The following GDAP2 variants were observed in gnomAD, a reference collection of about 807,000 sequenced individuals.
GDAP2 encodes the protein ganglioside induced differentiation associated protein 2.
A neutral mutation model predicts 67.0 loss-of-function variants in GDAP2; 51 were observed. That is an observed-to-expected ratio of 0.76 (90% CI 0.61 to 0.96). GDAP2 has a LOEUF of 0.96. GDAP2 is among the 40% of genes least tolerant of loss of function. GDAP2 has a pLI of 0.00. For missense variants in GDAP2, 547 were observed against 588.3 expected, an observed-to-expected ratio of 0.93 and a Z score of 0.73; for synonymous variants, 203 against 207.3, an observed-to-expected ratio of 0.98 and a Z score of 0.18.
intron 13 of GDAP2, chr1:117,877,418 C>T (rs1204207015): frequency 3.1e-6 from 3 of 975,874 alleles, no homozygotes; most frequent in Non-Finnish European, 1.2e-6. Flanking sequence ...TCAAAAATTA[C>T]TAAGGTGATA....
At chr1:117,918,929 T>C (rs1650144273) in intron 2 of GDAP2, among the ~76,000 whole-genome samples, 193 bp from the exon 3 acceptor site, 2 of 152,180 alleles carry the variant, frequency 1.3e-5, no homozygotes, top group Admixed American at 1.3e-4. Flanking sequence ...AATGCAATTG[T>C]TATAACCCTG....
intron 5 of GDAP2, 54 bp from the exon 6 acceptor site, chr1:117,906,636 A>G: frequency 1.1e-6 from 1 of 901,702 alleles, no homozygotes; most frequent in Non-Finnish European, 1.8e-6. Context: ...CTTATACATA[A>G]AGAAAAATCA....
intron 13 of GDAP2, among the ~76,000 whole-genome samples, chr1:117,871,482 A>G (rs1648286668): frequency 6.6e-6 from 1 of 152,250 alleles, no homozygotes; most frequent in Non-Finnish European, 1.5e-5. Context: ...TAGCACTAGT[A>G]TAAGACAATA....
At chr1:117,877,419 T>C in intron 13 of GDAP2, 1 of 977,826 alleles carries the variant, frequency 1.0e-6, no homozygotes, top group Non-Finnish European at 1.2e-6. Context: ...CAAAAATTAC[T>C]AAGGTGATAT....
intron 11 of GDAP2, among the ~76,000 whole-genome samples, chr1:117,882,500 C>A (rs552140766): frequency 1.3e-5 from 2 of 152,272 alleles, no homozygotes; most frequent in South Asian, 4.1e-4. Flanking sequence ...ATCCACTATT[C>A]CATCTGGCCT....
intron 8 of GDAP2, among the ~76,000 whole-genome samples, chr1:117,889,076 A>G (rs1228059264): frequency 6.6e-6 from 1 of 152,156 alleles, no homozygotes; most frequent in Non-Finnish European, 1.5e-5. Context: ...ATTTTGTTTC[A>G]AAATATAATT....
chr1:117,928,070 A>C (rs1251783938), intron 1 of GDAP2, among the ~76,000 whole-genome samples: 3 of 152,180 alleles, frequency 2.0e-5, no homozygotes, highest in Non-Finnish European at 4.4e-5. Context: ...ATTTAATAAT[A>C]TTAAGATAGT....
chr1:117,883,523 G>T lies in GDAP2; in HGVS notation c.1212C>A (p.Asp404Glu). Residue 404 changes from aspartate to glutamate, a missense_variant, in exon 11 of 14, where the codon GAC becomes GAA. Physicochemically the swap from Asp to Glu is conservative, Grantham distance 45. Coordinates refer to ENST00000369443, the MANE Select transcript of GDAP2 (RefSeq NM_017686.4). ...CAACATCGTAGAGTTTCTTCAGGAA[G>T]TCGGAGTCCAGGTGATTGTATTCGC... ...LTSEYNHLDS[D>E]FLKKLYDVVD... 1 of 1,612,660 alleles carries T rather than the reference G, an allele frequency of 6.2e-7. No homozygotes were observed. The highest frequency in any genetic ancestry group is 8.5e-7 in the Non-Finnish European group (1 of 1,178,954).
At chr1:117,898,123 T>A (rs1649325110) in intron 7 of GDAP2, among the ~76,000 whole-genome samples, 1 of 152,184 alleles carries the variant, frequency 6.6e-6, no homozygotes, top group Non-Finnish European at 1.5e-5. Context: ...TTATCTACTG[T>A]CCAGCACTCA....
chr1:117,878,094 T>C lies in GDAP2; in HGVS notation c.1361A>G (p.His454Arg), dbSNP rs1042098026. 1.9e-6 allele frequency: 3 copies of C among 1,612,404 alleles called. No homozygotes were observed. Among genetic ancestry groups the C allele is most frequent in the Admixed American group, 1.7e-5 (1 of 59,954 alleles). The part of the protein sequence containing the change: ...SVSGLKDKIH[H>R]VDSLHQLFSA... ...AAACAGCTGGTGGAGGCTGTCCACA[T>C]GGTGGATTTTGTCCTTCAGTCCTGA... Residue 454 changes from histidine to arginine, a missense_variant, in exon 13 of 14, where the codon CAT (histidine) becomes CGT (arginine). Coordinates refer to ENST00000369443, the MANE Select transcript of GDAP2 (RefSeq NM_017686.4).
At chr1:117,870,749 C>G (rs1389991841) in intron 13 of GDAP2, 133 bp from the exon 14 acceptor site, 1 of 708,038 alleles carries the variant, frequency 1.4e-6, no homozygotes, top group Non-Finnish European at 2.6e-6. Flanking sequence ...TAAGCAGGCC[C>G]TCAGCCATTA....
chr1:117,886,401 T>C (rs1648855744), intron 10 of GDAP2, among the ~76,000 whole-genome samples, 176 bp downstream of exon 10: 1 of 152,114 alleles, frequency 6.6e-6, no homozygotes, highest in Non-Finnish European at 1.5e-5. Flanking sequence ...CAGAGAAAAA[T>C]CAAACCCCTA....
rs1419295241 is a variant in GDAP2, at chr1:117,881,841, A to G, written c.1284T>C (p.His428=). 1 of 1,571,600 alleles carries G rather than the reference A, an allele frequency of 6.4e-7. No individual in the cohort carries two copies. The highest frequency in any genetic ancestry group is 8.8e-7 in the Non-Finnish European group (1 of 1,141,402). The stretch of plus-strand genomic sequence containing the variant: ...ACTGTACCTTTGAACGAAATGTGGG[A>G]TGTACAAAATAAACAGCCTTCAAAT... The part of the protein sequence containing the change: ...KRNLKAVYFV[H]PTFRSKVSTW... The change falls in exon 12 of 14, where the codon CAT becomes CAC. Residue 428 remains histidine, a synonymous_variant. Coordinates refer to ENST00000369443, the MANE Select transcript of GDAP2 (RefSeq NM_017686.4).
intron 5 of GDAP2, 59 bp downstream of exon 5, chr1:117,911,935 C>G: frequency 1.0e-6 from 1 of 975,830 alleles, no homozygotes; most frequent in Non-Finnish European, 1.6e-6. Flanking sequence ...GCCACCATGC[C>G]CAGAATTTAA....
intron 6 of GDAP2, among the ~76,000 whole-genome samples, chr1:117,901,451 CA>C (rs1349498117): frequency 6.6e-6 from 1 of 152,180 alleles, no homozygotes; most frequent in Admixed American, 6.5e-5. Context: ...GACTGTTTTC[CA>C]AAGTAGTTGT....
chr1:117,901,805 GCCAA>G (rs1307814627), intron 6 of GDAP2, among the ~76,000 whole-genome samples: 2 of 152,088 alleles, frequency 1.3e-5, no homozygotes, highest in Admixed American at 1.3e-4. Context: ...TCTTGCATAT[GCCAA>G]CCAACCAATC....
At position 117,864,846 on chromosome 1, in the gene GDAP2, C is replaced by T. The variant is rs913673109; in HGVS notation, c.*5723G>A. On this transcript the variant is annotated 3_prime_UTR_variant, in exon 14 of 14. Coordinates refer to ENST00000369443, the MANE Select transcript of GDAP2 (RefSeq NM_017686.4). Reference sequence around the variant, plus strand: ...AGGAGGTAACTTCTATTATCACCAACCTCACAGGATTTGTAAGAGCATTAG... The same window carrying T: ...AGGAGGTAACTTCTATTATCACCAATCTCACAGGATTTGTAAGAGCATTAG... The T allele has an allele frequency of 1.3e-5, 2 of 152,062 alleles. No homozygotes were observed. The highest frequency in any genetic ancestry group is 4.8e-5 in the African/African-American group (2 of 41,410). The allele number at this position is 152,062 out of a possible 1,614,324, so 9.4% of individuals were successfully genotyped here.
chr1:117,896,700 T>C (rs1649275514), intron 8 of GDAP2, 133 bp downstream of exon 8: 2 of 587,618 alleles, frequency 3.4e-6, no homozygotes, highest in African/African-American at 1.9e-5. Context: ...GAGGACGATA[T>C]CTTCCTCACT....
In GDAP2 at chr1:117,887,500, G is replaced by GA. The variant is rs567048503; in HGVS notation, c.1030+197dup. 1.6e-4 allele frequency among the ~76,000 whole-genome samples: 25 copies of GA among 152,266 alleles called. No homozygotes were observed. The South Asian group carries it at 5.2e-3, about 32-fold the overall frequency. ...GCATGAAATAAAGTTGGCCAATGCA[G>GA]AACTGTAAGTTGAAAATGTTATAGA... On this transcript the variant is annotated intron_variant, in intron 9 of 13. Transcript: ENST00000369443.
Sources: gnomAD v4.1 joint callset for allele counts (sites outside exome capture counted in the v4.1 genomes callset) on GRCh38, gnomAD v4.1.1 for gene constraint, MANE v1.5 for transcripts, NCBI Gene and HGNC (gene_info 2026-07-23, HGNC 2026-07-21) for gene names.